The following AKT1 variants were observed in gnomAD, a reference collection of about 807,000 sequenced individuals.
AKT1 encodes the protein AKT serine/threonine kinase 1, also known as RAC-alpha serine/threonine-protein kinase.
Under a neutral mutation model 63.1 loss-of-function variants are expected in AKT1, and 21 were observed. The ratio of observed to expected loss-of-function variants is 0.33; its 90% CI spans 0.24 to 0.48. The LOEUF (loss-of-function observed/expected upper bound fraction) is 0.48, where lower values mean the gene tolerates loss of function less well. Ranked by LOEUF, AKT1 falls within the 20% of genes least tolerant of loss-of-function variation. The pLI is 0.99. For missense variants in AKT1, 382 were observed against 666.0 expected (o/e 0.57, Z 4.69); for synonymous variants, 257 against 253.1 (o/e 1.02, Z -0.15).
At chr14:104,783,313 G>A (rs535355096) in intron 3 of AKT1, among the ~76,000 whole-genome samples, 10 of 152,164 alleles carry the variant, frequency 6.6e-5, no homozygotes, top group South Asian at 2.1e-4. Flanking sequence ...CCCCCCACTC[G>A]AGGCAGGAGT....
At chr14:104,774,262 C>CT in intron 8 of AKT1, 1 of 499,320 alleles carries the variant, frequency 2.0e-6, no homozygotes, top group South Asian at 2.2e-5. Flanking sequence ...CACACTGCCT[C>CT]ATGCCACGCC....
At chr14:104,789,445 T>C (rs1893513576) in intron 3 of AKT1, among the ~76,000 whole-genome samples, 1 of 152,208 alleles carries the variant, frequency 6.6e-6, no homozygotes, top group South Asian at 2.1e-4. Context: ...GTGAGCAAGC[T>C]GTTTGGGGAA....
chr14:104,774,930 C>T lies in AKT1; in HGVS notation c.633+8G>A. The stretch of plus-strand genomic sequence containing the variant: ...CAGCCCTTCAGCCCCATCTGGGCTC[C>T]CACTCACTGTGAGGAAGGGGTGCCT... On this transcript the variant is annotated splice_region_variant and intron_variant, in intron 8 of 14. Transcript: ENST00000649815. The T allele has an allele frequency of 1.2e-6, 2 of 1,610,416 alleles. No individual in the cohort carries two copies. Among genetic ancestry groups the T allele is most frequent in the South Asian group, 1.1e-5 (1 of 90,810 alleles).
At position 104,773,382 on chromosome 14, in the gene AKT1, AG is replaced by A. The variant is rs747036873; in HGVS notation, c.829-4del. ...TTGTCCAGCATGAGGTTCTCCAGCTAGGGGAAAGGTGGCCTCAGGTCAGTGC... is the reference window on the plus strand; with the variant it reads ...TTGTCCAGCATGAGGTTCTCCAGCTAGGGAAAGGTGGCCTCAGGTCAGTGC... On this transcript the variant is annotated splice_polypyrimidine_tract_variant and splice_region_variant and intron_variant, in intron 10 of 14. Transcript: ENST00000649815. 1.2e-6 allele frequency: 2 copies of A among 1,614,158 alleles called. No individual in the cohort carries two copies. The highest frequency in any genetic ancestry group is 2.2e-5 in the South Asian group (2 of 91,090).
At chr14:104,789,555 C>T (rs1303202698) in intron 3 of AKT1, among the ~76,000 whole-genome samples, 6 of 152,364 alleles carry the variant, frequency 3.9e-5, no homozygotes, top group African/African-American at 9.6e-5. Flanking sequence ...GCCAGACCTG[C>T]GCCCTGGCCC....
At chr14:104,777,045 G>A (rs940394207) in intron 4 of AKT1, 5 of 422,952 alleles carry the variant, frequency 1.2e-5, no homozygotes, top group Non-Finnish European at 1.7e-5. Flanking sequence ...CACTCCTACA[G>A]TCCTTCCTTC....
intron 5 of AKT1, 129 bp downstream of exon 5, chr14:104,776,530 A>T: frequency 1.3e-6 from 1 of 744,254 alleles, no homozygotes; most frequent in Non-Finnish European, 2.1e-6. Flanking sequence ...CTGGGCTCTG[A>T]GGAGGGCCTG....
chr14:104,772,114 G>C, intron 13 of AKT1: 2 of 579,946 alleles, frequency 3.4e-6, no homozygotes, highest in East Asian at 5.7e-5. Flanking sequence ...GAAACTCAGA[G>C]TGTGACACAC....
chr14:104,779,498 C>T (rs1420458864), intron 4 of AKT1, among the ~76,000 whole-genome samples: 1 of 152,212 alleles, frequency 6.6e-6, no homozygotes, highest in Non-Finnish European at 1.5e-5. Context: ...GGAGGAGGGG[C>T]CCCCGGGGCA....
chr14:104,775,936 A>T, intron 5 of AKT1, 137 bp from the exon 6 acceptor site: 1 of 1,055,640 alleles, frequency 9.5e-7, no homozygotes, highest in Non-Finnish European at 1.4e-6. Context: ...GGAGGCCACC[A>T]CTTGACCTGG....
chr14:104,773,927 G>A lies in AKT1; in HGVS notation c.687C>T (p.Tyr229=), dbSNP rs769696222. The change falls in exon 9 of 15, where the codon TAC becomes TAT. Residue 229 remains tyrosine (Y), a synonymous_variant. Coordinates refer to ENST00000649815, the MANE Select transcript of AKT1 (RefSeq NM_001382430.1). Reference sequence around the variant, plus strand: ...CAGCCCCTACCTCGCCCCCGTTGGCGTACTCCATGACAAAGCAGAGGCGGT... The same window carrying A: ...CAGCCCCTACCTCGCCCCCGTTGGCATACTCCATGACAAAGCAGAGGCGGT... ...THDRLCFVME[Y]ANGGELFFHL... is the part of the protein sequence containing the mutation. 53 of 1,611,696 alleles carry A rather than the reference G, an allele frequency of 3.3e-5. No individual in the cohort carries two copies. Among genetic ancestry groups the A allele is most frequent in the Non-Finnish European group, 4.0e-5 (47 of 1,178,902 alleles).
chr14:104,774,827 GGT>G lies in AKT1; in HGVS notation c.633+109_633+110del, dbSNP rs1892614812. The G allele has an allele frequency of 5.0e-6, 6 of 1,209,230 alleles. No individual in the cohort carries two copies. In the East Asian group the frequency reaches 1.4e-4, roughly 29 times the overall value. The allele number at this position is 1,209,230 out of a possible 1,614,324, so 74.9% of individuals were successfully genotyped here. On this transcript the variant is annotated intron_variant, in intron 8 of 14. Coordinates refer to ENST00000649815, the MANE Select transcript of AKT1 (RefSeq NM_001382430.1). ...CTGTCTCACCAGCGGCGGAGTCCAC[GGT>G]GTGTAAAGCCCTCACGTGCCCAAGA...
At position 104,774,076 on chromosome 14, in the gene AKT1, T is replaced by C. The variant is rs928584603; in HGVS notation, c.634-96A>G. The C allele has an allele frequency of 7.4e-6, 9 of 1,210,334 alleles. No homozygotes were observed. The Admixed American group carries it at 7.8e-5, about 11-fold the overall frequency. 75.0% of individuals were successfully genotyped at this position (1,210,334 alleles called of 1,614,324 possible). On this transcript the variant is annotated intron_variant, in intron 8 of 14. Transcript: ENST00000649815. Reference sequence around the variant, plus strand: ...CCACGCTGCTTGATACCACGTCGCCTGATACCACACCGCCCGTAGCCCCAC... The same window carrying C: ...CCACGCTGCTTGATACCACGTCGCCCGATACCACACCGCCCGTAGCCCCAC...
intron 3 of AKT1, among the ~76,000 whole-genome samples, 191 bp downstream of exon 3, chr14:104,792,407 C>A (rs1430712662): frequency 6.6e-6 from 1 of 152,124 alleles, no homozygotes; most frequent in Non-Finnish European, 1.5e-5. Flanking sequence ...GCCTCATCCT[C>A]CTGGCCTCCC....
chr14:104,792,932 A>G, intron 2 of AKT1, 195 bp downstream of exon 2: 1 of 575,808 alleles, frequency 1.7e-6, no homozygotes, highest in Non-Finnish European at 3.1e-6. Context: ...CAAGTGTCAA[A>G]TCCATGTAAT....
intron 12 of AKT1, 105 bp from the exon 13 acceptor site, chr14:104,772,557 C>CG: frequency 8.5e-7 from 1 of 1,179,228 alleles, no homozygotes; most frequent in East Asian, 2.5e-5. Flanking sequence ...CAGGACGTTC[C>CG]GGGGCCAGGG....
At chr14:104,771,876 G>A (rs900264249) in intron 13 of AKT1, 3 of 247,326 alleles carry the variant, frequency 1.2e-5, no homozygotes, top group Admixed American at 5.0e-5. Context: ...CCTCCAGGGC[G>A]GACTCCCCCA....
Position 104,795,323 on chromosome 14 carries a change from C to G in AKT1, c.-258+161G>C, listed in dbSNP as rs1893836967. 6.7e-6 allele frequency among the ~76,000 whole-genome samples: 1 copy of G among 149,934 alleles called. No individual in the cohort carries two copies. The stretch of plus-strand genomic sequence containing the variant: ...CTCCCTTGGCCGGGCCCGCGCGCCC[C>G]GCGCCCTCCCCGCCCAGGCCCGCTC... On this transcript the variant is annotated intron_variant, in intron 1 of 14. Coordinates refer to ENST00000649815, the MANE Select transcript of AKT1 (RefSeq NM_001382430.1). The surrounding 1 kb of genome is among the most constrained non-coding windows in gnomAD (Gnocchi z 5.1).
At chr14:104,779,642 C>T (rs942196632) in intron 4 of AKT1, among the ~76,000 whole-genome samples, 4 of 148,496 alleles carry the variant, frequency 2.7e-5, no homozygotes, top group African/African-American at 7.6e-5. Context: ...CAGCCAGCCT[C>T]GGCCTCAGGA....
Sources: allele counts gnomAD v4.1 joint callset (sites outside exome capture counted in the v4.1 genomes callset), GRCh38; gene constraint gnomAD v4.1.1; non-coding constraint Gnocchi (gnomAD v3.1); transcripts MANE v1.5; gene names NCBI Gene and HGNC (gene_info 2026-07-23, HGNC 2026-07-21).